Variants in TMEM242 observed in about 807,000 individuals in gnomAD.
TMEM242 encodes transmembrane protein 242.
Under a neutral mutation model 18.2 loss-of-function variants are expected in TMEM242, and 10 were observed. The observed-to-expected ratio is 0.55, with a 90% CI of 0.34 to 0.93. The LOEUF (loss-of-function observed/expected upper bound fraction) is 0.93, where lower values mean the gene tolerates loss of function less well. Among genes scored for constraint, TMEM242 ranks in the 40% least tolerant of loss-of-function variants. The pLI is 0.02. For synonymous variants in TMEM242, 57 were observed against 69.9 expected, an observed-to-expected ratio of 0.81 and a Z score of 0.92; for missense variants, 186 against 175.5, an observed-to-expected ratio of 1.06 and a Z score of -0.34.
intron 3 of TMEM242, among the ~76,000 whole-genome samples, chr6:157,317,303 T>C (rs1348675170): frequency 6.6e-6 from 1 of 152,208 alleles, no homozygotes; most frequent in Non-Finnish European, 1.5e-5. Flanking sequence ...GCTGTCACAC[T>C]GCCAAACCGG....
At chr6:157,299,761 G>A in intron 3 of TMEM242, 1 of 1,601,134 alleles carries the variant, frequency 6.2e-7, no homozygotes, top group Non-Finnish European at 8.6e-7. Context: ...CTGTGACAAG[G>A]TAATCTTTGC....
chr6:157,304,462 C>CAAAAA (rs782782714), intron 3 of TMEM242, among the ~76,000 whole-genome samples: 9 of 67,260 alleles, frequency 1.3e-4, no homozygotes, highest in East Asian at 5.1e-4. Context: ...GAGACTCTGT[C>CAAAAA]AAAAAAAAAA....
rs1303605524 is a variant in TMEM242 at position 157,314,666 on chromosome 6, C to G, written c.327+4116G>C. ...TAACAAGACATCTTCTGCTACCTCTCCTTCTTTAGATCCTCTGGTTAAATG... is the reference window on the plus strand; with the variant it reads ...TAACAAGACATCTTCTGCTACCTCTGCTTCTTTAGATCCTCTGGTTAAATG... On this transcript the variant is annotated intron_variant, in intron 3 of 3. Transcript: ENST00000400788. 3.3e-5 allele frequency among the ~76,000 whole-genome samples: 5 copies of G among 152,158 alleles called. No individual in the cohort carries two copies. The South Asian group carries it at 8.3e-4, about 25-fold the overall frequency.
chr6:157,313,343 C>T (rs868950225), intron 3 of TMEM242, among the ~76,000 whole-genome samples: 301 of 150,806 alleles, frequency 2.0e-3, no homozygotes, highest in Admixed American at 3.0e-3. Context: ...TCATAGTGCC[C>T]CAGTGTGCGC....
intron 3 of TMEM242, among the ~76,000 whole-genome samples, chr6:157,311,560 A>AACCGGC (rs1562383300): frequency 9.3e-6 from 1 of 107,102 alleles, no homozygotes; most frequent in Non-Finnish European, 1.9e-5. Context: ...GTGTGCGCTC[A>AACCGGC]CCTAGCCTCA....
chr6:157,311,119 C>A (rs797031802), intron 3 of TMEM242, among the ~76,000 whole-genome samples: 2 of 100,134 alleles, frequency 2.0e-5, no homozygotes, highest in South Asian at 7.9e-4. Context: ...TGTGCACTCA[C>A]CTAGCCCCAT....
At chr6:157,323,167 G>C (rs2128418245) in intron 1 of TMEM242, among the ~76,000 whole-genome samples, 1 of 152,266 alleles carries the variant, frequency 6.6e-6, no homozygotes, top group South Asian at 2.1e-4. Flanking sequence ...CAGAGGTGAC[G>C]GGGAAATATG....
rs587636293 is a variant in TMEM242, at chr6:157,302,092, A to G, written c.328-9093T>C. Among the ~76,000 whole-genome samples, 6 of 152,360 alleles carry G rather than the reference A, an allele frequency of 3.9e-5. No homozygotes were observed. In the East Asian group the frequency reaches 1.2e-3, roughly 29 times the overall value. On this transcript the variant is annotated intron_variant, in intron 3 of 3. Transcript: ENST00000400788. ...TCAGTAAGGATCAGATACCCCGTTC[A>G]GATGACAGAGCCACAAACCAAATGG...
chr6:157,311,098 T>C (rs1583564691), intron 3 of TMEM242, among the ~76,000 whole-genome samples: 1 of 146,974 alleles, frequency 6.8e-6, no homozygotes, highest in Admixed American at 6.7e-5. Context: ...AGCCACATCA[T>C]AGTGTCCCAG....
rs1255416140 is a variant in TMEM242 at position 157,290,468 on chromosome 6, G to A, written c.*2433C>T. 6.6e-6 allele frequency: 1 copy of A among 152,152 alleles called. No individual in the cohort carries two copies. Among genetic ancestry groups the A allele is most frequent in the East Asian group, 1.9e-4 (1 of 5,202 alleles). 9.4% of individuals were successfully genotyped at this position (152,152 alleles called of 1,614,324 possible). Reference sequence around the variant, plus strand: ...TTTGTCATACTCAACCCAAGATAAAGACAGCAAAGAAGGCAAACTTGAAAT... The same window carrying A: ...TTTGTCATACTCAACCCAAGATAAAAACAGCAAAGAAGGCAAACTTGAAAT... On this transcript the variant is annotated 3_prime_UTR_variant, in exon 4 of 4. Transcript: ENST00000400788.
In TMEM242 at chr6:157,290,444, T is replaced by C. The variant is rs587643142; in HGVS notation, c.*2457A>G. The C allele has an allele frequency of 9.8e-5, 15 of 152,326 alleles. No individual in the cohort carries two copies. The South Asian group carries it at 3.1e-3, about 32-fold the overall frequency. The allele number at this position is 152,326 out of a possible 1,614,324, so 9.4% of individuals were successfully genotyped here. A position where few individuals can be genotyped will look rare whatever the true frequency, so the allele number is the denominator to read the frequency against. On this transcript the variant is annotated 3_prime_UTR_variant, in exon 4 of 4. Coordinates refer to ENST00000400788, the MANE Select transcript of TMEM242 (RefSeq NM_018452.6). ...CTCCAGGAGATAAATGTGATTATGT[T>C]TGTCATACTCAACCCAAGATAAAGA... is the stretch of plus-strand genomic sequence containing the variant.
chr6:157,312,441 A>AT (rs1778187134), intron 3 of TMEM242, among the ~76,000 whole-genome samples: 1 of 79,792 alleles, frequency 1.3e-5, no homozygotes, highest in South Asian at 4.7e-4. Context: ...GTGTGCACTC[A>AT]CCGAGCCTCA....
chr6:157,298,762 C>T (rs1777785240), intron 3 of TMEM242, among the ~76,000 whole-genome samples: 1 of 152,144 alleles, frequency 6.6e-6, no homozygotes, highest in East Asian at 1.9e-4. Flanking sequence ...ACAATAAATA[C>T]TTACATCCTA....
At chr6:157,313,883 G>T (rs1778312865) in intron 3 of TMEM242, among the ~76,000 whole-genome samples, 2 of 147,584 alleles carry the variant, frequency 1.4e-5, no homozygotes, top group Admixed American at 6.8e-5. Context: ...TCATCACAGT[G>T]CCCCAGTGTG....
chr6:157,322,129 ATATT>A (rs1178824812), intron 2 of TMEM242, among the ~76,000 whole-genome samples: 5 of 152,118 alleles, frequency 3.3e-5, no homozygotes, highest in African/African-American at 4.8e-5. Flanking sequence ...ATTTGTGTGA[ATATT>A]TATTTATTTA....
Position 157,304,974 on chromosome 6 carries a change from T to C in TMEM242, c.328-11975A>G, listed in dbSNP as rs1583559324. Among the ~76,000 whole-genome samples, 3 of 152,008 alleles carry C rather than the reference T, an allele frequency of 2.0e-5. No homozygotes were observed. The East Asian group carries it at 5.8e-4, about 29-fold the overall frequency. ...TGGAGTGCAGTGGGAAGAGGTGAGGTGGGCAATTGTGGTGGCTCAAGATGA... is the reference window on the plus strand; with the variant it reads ...TGGAGTGCAGTGGGAAGAGGTGAGGCGGGCAATTGTGGTGGCTCAAGATGA... On this transcript the variant is annotated intron_variant, in intron 3 of 3. Coordinates refer to ENST00000400788, the MANE Select transcript of TMEM242 (RefSeq NM_018452.6).
At chr6:157,301,189 A>C (rs1362118779) in intron 3 of TMEM242, among the ~76,000 whole-genome samples, 4 of 152,172 alleles carry the variant, frequency 2.6e-5, no homozygotes, top group Non-Finnish European at 5.9e-5. Context: ...TTTTATTTAA[A>C]AGCAGTGTGC....
At chr6:157,313,272 G>T in intron 3 of TMEM242, among the ~76,000 whole-genome samples, 1 of 142,774 alleles carries the variant, frequency 7.0e-6, no homozygotes, top group African/African-American at 2.6e-5. Context: ...TCATCATAGT[G>T]TCCCAGTGTG....
At chr6:157,303,461 C>G (rs1367996710) in intron 3 of TMEM242, among the ~76,000 whole-genome samples, 2 of 152,170 alleles carry the variant, frequency 1.3e-5, no homozygotes, top group African/African-American at 4.8e-5. Flanking sequence ...CCAATACCCA[C>G]TTTTACCAAG....
Sources: allele counts gnomAD v4.1 joint callset (sites outside exome capture counted in the v4.1 genomes callset), GRCh38; gene constraint gnomAD v4.1.1; transcripts MANE v1.5; gene names NCBI Gene and HGNC (gene_info 2026-07-23, HGNC 2026-07-21).